The following KIAA1217 variants were observed in gnomAD, a reference collection of about 807,000 sequenced individuals.
The protein encoded by KIAA1217 is sickle tail protein homolog.
KIAA1217 carries 88 observed loss-of-function variants against 163.9 expected under a neutral mutation model. The observed-to-expected ratio is 0.54, with a 90% CI of 0.45 to 0.64. The LOEUF (loss-of-function observed/expected upper bound fraction) is 0.64. KIAA1217 is among the 30% of genes least tolerant of loss of function. The pLI is 0.00. For synonymous variants in KIAA1217, 903 were observed against 923.1 expected, an observed-to-expected ratio of 0.98 and a Z score of 0.39; for missense variants, 2,372 against 2,475.0, an observed-to-expected ratio of 0.96 and a Z score of 0.88.
chr10:23,785,335 C>G (rs961282668), intron 1 of KIAA1217, among the ~76,000 whole-genome samples: 4 of 152,070 alleles, frequency 2.6e-5, no homozygotes, highest in Admixed American at 6.6e-5. Flanking sequence ...GTTCCAGAGC[C>G]TGTTCCCTCA....
rs184213027 is a variant in KIAA1217 at position 23,929,877 on chromosome 10, C to T, written c.-320-77348C>T. 2.8e-4 allele frequency among the ~76,000 whole-genome samples: 42 copies of T among 152,224 alleles called. 1 individual carries two copies. In the East Asian group the frequency reaches 6.6e-3, roughly 24 times the overall value. On this transcript the variant is annotated intron_variant, in intron 1 of 18. Coordinates refer to the KIAA1217 transcript ENST00000376462. Reference sequence around the variant, plus strand: ...CTGTTTTAAGTTCTTTGGGAAATCTCGGAGCTGATTTCCACAACGGCTGAA... The same window carrying T: ...CTGTTTTAAGTTCTTTGGGAAATCTTGGAGCTGATTTCCACAACGGCTGAA...
At chr10:23,833,114 A>T (rs980240923) in intron 1 of KIAA1217, among the ~76,000 whole-genome samples, 8 of 152,178 alleles carry the variant, frequency 5.3e-5, no homozygotes. Flanking sequence ...CTTAGGCTTT[A>T]TATCTAGACT....
chr10:24,528,233 A>G (rs2072502424), intron 14 of KIAA1217, 114 bp downstream of exon 14: 1 of 788,316 alleles, frequency 1.3e-6, no homozygotes, highest in South Asian at 2.5e-5. Context: ...GTTCTTACAA[A>G]TCTTACAAAA....
intron 3 of KIAA1217, among the ~76,000 whole-genome samples, chr10:24,390,577 G>C (rs1220069806): frequency 6.6e-6 from 1 of 151,486 alleles, no homozygotes; most frequent in Non-Finnish European, 1.5e-5. Context: ...GAGAGGGAGG[G>C]AGGGAAGGAA....
intron 2 of KIAA1217, among the ~76,000 whole-genome samples, chr10:24,017,085 A>G (rs941140210): frequency 1.4e-5 from 2 of 140,006 alleles, no homozygotes; most frequent in Admixed American, 7.6e-5. Context: ...ACAAGGTCTC[A>G]CTCTATCACC....
At chr10:24,431,481 A>G (rs11014087) in intron 3 of KIAA1217, among the ~76,000 whole-genome samples, 18,921 of 152,100 alleles carry the variant, frequency 0.12, 1,362 homozygotes, top group African/African-American at 0.21. Flanking sequence ...CAGCTGGGGT[A>G]GCTCACCTGG....
At chr10:23,856,398 G>A (rs1280750089) in intron 1 of KIAA1217, among the ~76,000 whole-genome samples, 3 of 152,240 alleles carry the variant, frequency 2.0e-5, no homozygotes, top group African/African-American at 7.2e-5. Context: ...GTACCCGTCT[G>A]TGTGAGGTGT....
Position 23,858,178 on chromosome 10 carries a change from T to C in KIAA1217, c.-320-149047T>C, listed in dbSNP as rs113637685. Among the ~76,000 whole-genome samples the C allele has an allele frequency of 3.0e-3, 457 of 152,254 alleles. 3 individuals are homozygous for C. Among genetic ancestry groups the C allele is most frequent in the Non-Finnish European group, 4.8e-3 (326 of 68,008 alleles). On this transcript the variant is annotated intron_variant, in intron 1 of 18. Transcript: ENST00000376462. ...CTTTCCTTGGCTCTTCTCTGGGCTCTGACTTAATCCTGCCAGGTCTCAGTT... is the reference window on the plus strand; with the variant it reads ...CTTTCCTTGGCTCTTCTCTGGGCTCCGACTTAATCCTGCCAGGTCTCAGTT...
At chr10:23,889,308 G>A (rs1420928492) in intron 1 of KIAA1217, among the ~76,000 whole-genome samples, 10 of 151,808 alleles carry the variant, frequency 6.6e-5, no homozygotes, top group Non-Finnish European at 1.3e-4. Context: ...TTCATCCGTG[G>A]TTGGGATTGT....
At chr10:24,316,183 T>A (rs977599117) in intron 2 of KIAA1217, among the ~76,000 whole-genome samples, 11 of 152,170 alleles carry the variant, frequency 7.2e-5, no homozygotes, top group Admixed American at 5.2e-4. Flanking sequence ...ACAGGTATTC[T>A]ACAATCCGAG....
At chr10:23,917,719 C>T (rs2131283636) in intron 1 of KIAA1217, among the ~76,000 whole-genome samples, 1 of 152,320 alleles carries the variant, frequency 6.6e-6, no homozygotes, top group East Asian at 1.9e-4. Flanking sequence ...GTCCAGACAG[C>T]TGTCGCTGAC....
chr10:23,776,466 T>A (rs1161867042), intron 1 of KIAA1217, among the ~76,000 whole-genome samples: 1 of 151,614 alleles, frequency 6.6e-6, no homozygotes, highest in Non-Finnish European at 1.5e-5. Flanking sequence ...TTCTCCTATG[T>A]CAAGCTGTGC....
rs79029291 is a variant in KIAA1217, at chr10:23,983,950, C to T, written c.-320-23275C>T. Reference sequence around the variant, plus strand: ...CACACCCATCACTGTGTACCTAATACGTAATAGTAAAAGAGGCAGAGATTA... The same window carrying T: ...CACACCCATCACTGTGTACCTAATATGTAATAGTAAAAGAGGCAGAGATTA... On this transcript the variant is annotated intron_variant, in intron 1 of 18. Coordinates refer to the KIAA1217 transcript ENST00000376462. 3.6e-3 allele frequency among the ~76,000 whole-genome samples: 547 copies of T among 152,202 alleles called. 1 individual carries two copies. The highest frequency in any genetic ancestry group is 0.013 in the African/African-American group (536 of 41,530).
intron 14 of KIAA1217, among the ~76,000 whole-genome samples, chr10:24,529,417 C>A (rs1473168742): frequency 6.6e-6 from 1 of 152,144 alleles, no homozygotes; most frequent in Non-Finnish European, 1.5e-5. Context: ...CACATTACTT[C>A]ATTTGTGTGG....
intron 14 of KIAA1217, among the ~76,000 whole-genome samples, chr10:24,528,321 T>G (rs201866182): frequency 0.065 from 4,630 of 71,684 alleles, 212 homozygotes; most frequent in African/African-American, 0.17. Context: ...TTTTTTTTTT[T>G]GTTTTTTTTT....
chr10:24,465,732 C>T (rs935708624), intron 5 of KIAA1217, among the ~76,000 whole-genome samples: 2 of 152,222 alleles, frequency 1.3e-5, no homozygotes, highest in African/African-American at 2.4e-5. Context: ...GCACAAGTCA[C>T]TTCGTGTTGT....
chr10:23,784,943 C>A (rs928198388), intron 1 of KIAA1217, among the ~76,000 whole-genome samples: 5 of 152,058 alleles, frequency 3.3e-5, no homozygotes, highest in African/African-American at 9.7e-5. Flanking sequence ...TGAAAAAAAA[C>A]CAACGCTTTT....
intron 2 of KIAA1217, among the ~76,000 whole-genome samples, chr10:24,167,891 G>A (rs1030397406): frequency 6.6e-6 from 1 of 152,156 alleles, no homozygotes; most frequent in African/African-American, 2.4e-5. Context: ...GAAGGAGCAA[G>A]TGAGTGCAAG....
chr10:24,355,406 T>C (rs1172728681), intron 2 of KIAA1217, among the ~76,000 whole-genome samples: 1 of 152,128 alleles, frequency 6.6e-6, no homozygotes, highest in Non-Finnish European at 1.5e-5. Context: ...CATGGTCAGG[T>C]TCTGGTGACA....
Sources: allele counts gnomAD v4.1 joint callset (sites outside exome capture counted in the v4.1 genomes callset), GRCh38; gene constraint gnomAD v4.1.1; transcripts MANE v1.5; gene names NCBI Gene and HGNC (gene_info 2026-07-23, HGNC 2026-07-21).